The following COG8 variants were observed in gnomAD, a reference collection of about 807,000 sequenced individuals.
The protein encoded by COG8 is conserved oligomeric Golgi complex subunit 8.
A neutral mutation model predicts 46.5 loss-of-function variants in COG8; 45 were observed. The ratio of observed to expected loss-of-function variants is 0.97; its 90% CI spans 0.76 to 1.24. COG8 has a LOEUF of 1.24. Ranked by LOEUF, COG8 falls within the 50% of genes most tolerant of loss-of-function variation. COG8 has a pLI of 0.00. For missense variants in COG8, 793 were observed against 820.8 expected (o/e 0.97, Z 0.41); for synonymous variants, 407 against 347.8 (o/e 1.17, Z -1.90).
chr16:69,330,344 C>G, intron 5 of COG8: 1 of 1,468,896 alleles, frequency 6.8e-7, no homozygotes, highest in Non-Finnish European at 8.9e-7. Flanking sequence ...CGCCACGCCG[C>G]GCAGCACCGG....
At chr16:69,334,481 G>C in intron 3 of COG8, 40 bp downstream of exon 3, 2 of 1,569,956 alleles carry the variant, frequency 1.3e-6, no homozygotes, top group African/African-American at 1.3e-5. Context: ...CATTACCAGA[G>C]AAGGCCCAGG....
In COG8 at chr16:69,339,360, G is replaced by A; in HGVS notation, c.193C>T (p.Pro65Ser). The A allele has an allele frequency of 6.3e-7, 1 of 1,584,972 alleles. No homozygotes were observed. Among genetic ancestry groups the A allele is most frequent in the Non-Finnish European group, 8.5e-7 (1 of 1,170,016 alleles). ...GCCCGCTCCTCCGCCAGGCGCTCGG[G>A]CTCGCGCCGCAGCCGCTCCAGCCCC... is the stretch of plus-strand genomic sequence containing the variant. ...GSGLERLRREPERLAEERAQL... is the reference protein window; with the variant it reads ...GSGLERLRRESERLAEERAQL... Residue 65 changes from proline to serine, a missense_variant, in exon 1 of 6, where the codon CCC becomes TCC. Transcript: ENST00000306875.
At chr16:69,330,163 C>T (rs756710706) in intron 5 of COG8, 28 of 1,530,948 alleles carry the variant, frequency 1.8e-5, no homozygotes, top group Middle Eastern at 1.9e-4. Context: ...GCTGGCGGGG[C>T]GGGCACTCCC....
Position 69,331,101 on chromosome 16 carries a change from C to T in COG8, c.1583-6G>A. 4 of 1,613,736 alleles carry T rather than the reference C, an allele frequency of 2.5e-6. No individual in the cohort carries two copies. Among genetic ancestry groups the T allele is most frequent in the South Asian group, 2.2e-5 (2 of 91,048 alleles). On this transcript the variant is annotated splice_region_variant and splice_polypyrimidine_tract_variant and intron_variant, in intron 4 of 5. Coordinates refer to ENST00000306875, the MANE Select transcript of COG8 (RefSeq NM_032382.5). ...GAGCTGAGTGGGAGGAATGCCTAAC[C>T]CAGACGTGGGGAAAGCAAAATGGAA...
intron 1 of COG8, 67 bp from the exon 2 acceptor site, chr16:69,336,779 A>G (rs1211852460): frequency 1.5e-6 from 2 of 1,332,302 alleles, no homozygotes; most frequent in East Asian, 2.3e-5. Context: ...ACAGTTACCA[A>G]GTACCTGCTA....
chr16:69,334,448 T>C (rs1191678826), intron 3 of COG8, 73 bp downstream of exon 3: 1 of 1,301,140 alleles, frequency 7.7e-7, no homozygotes, highest in East Asian at 2.4e-5. Context: ...AATAGACGGG[T>C]TTATTACAAA....
chr16:69,332,629 A>T, intron 4 of COG8, 85 bp downstream of exon 4: 1 of 1,295,072 alleles, frequency 7.7e-7, no homozygotes, highest in Non-Finnish European at 1.1e-6. Context: ...TTTACTAAAA[A>T]ACACTGACTT....
At chr16:69,334,412 C>CCT in intron 3 of COG8, 109 bp downstream of exon 3, 2 of 995,482 alleles carry the variant, frequency 2.0e-6, no homozygotes, top group Non-Finnish European at 3.1e-6. Flanking sequence ...CCACACTAGA[C>CCT]CTCTCCATGT....
Position 69,339,187 on chromosome 16 carries a change from C to T in COG8, c.366G>A (p.Gln122=), listed in dbSNP as rs1283206337. The change falls in exon 1 of 6, where the codon CAG becomes CAA. Residue 122 remains glutamine, a synonymous_variant. Coordinates refer to ENST00000306875, the MANE Select transcript of COG8 (RefSeq NM_032382.5). The part of the protein sequence containing the change: ...GRLLDRLPSF[Q]QSCRNFVKEA... ...CAGGCGCGTCGCACCTGCAGCTCTGCTGGAAGCTGGGCAAACGGTCGAGCA... is the reference window on the plus strand; with the variant it reads ...CAGGCGCGTCGCACCTGCAGCTCTGTTGGAAGCTGGGCAAACGGTCGAGCA... The T allele has an allele frequency of 6.2e-7, 1 of 1,612,962 alleles. No homozygotes were observed. The highest frequency in any genetic ancestry group is 1.1e-5 in the South Asian group (1 of 91,090).
intron 2 of COG8, 34 bp from the exon 3 acceptor site, chr16:69,335,382 G>A (rs1296750498): frequency 3.9e-6 from 6 of 1,519,156 alleles, no homozygotes; most frequent in Admixed American, 1.9e-5. Flanking sequence ...CACTGCGCTG[G>A]GAAGGATGCT....
intron 1 of COG8, among the ~76,000 whole-genome samples, chr16:69,337,731 G>A (rs1448361701): frequency 6.8e-6 from 1 of 147,544 alleles, no homozygotes; most frequent in Non-Finnish European, 1.5e-5. Context: ...GACTCACAAA[G>A]GACTTTTTTT....
chr16:69,326,555 G>C lies in COG8; in HGVS notation c.*2651C>G, dbSNP rs1274310427. 2 of 152,178 alleles carry C rather than the reference G, an allele frequency of 1.3e-5. No individual in the cohort carries two copies. Among genetic ancestry groups the C allele is most frequent in the Non-Finnish European group, 2.9e-5 (2 of 68,042 alleles). 9.4% of individuals were successfully genotyped at this position (152,178 alleles called of 1,614,324 possible). On this transcript the variant is annotated 3_prime_UTR_variant, in exon 6 of 6. Coordinates refer to ENST00000306875, the MANE Select transcript of COG8 (RefSeq NM_032382.5). ...GTTAACAAAGGTTAGCATGGCTATG[G>C]TCCATCCCTGTGCTCTAGTTAGAGC...
In COG8 at chr16:69,328,958, C is replaced by G. The variant is rs1965688607; in HGVS notation, c.*248G>C. 1 of 1,559,688 alleles carries G rather than the reference C, an allele frequency of 6.4e-7. No individual in the cohort carries two copies. The highest frequency in any genetic ancestry group is 1.4e-5 in the African/African-American group (1 of 72,220). ...CCAAGTTGATGCCAAGTAAGATTTG[C>G]CCAGCTCAAAGTGAAAGTGTTTGCG... On this transcript the variant is annotated 3_prime_UTR_variant, in exon 6 of 6. Coordinates refer to ENST00000306875, the MANE Select transcript of COG8 (RefSeq NM_032382.5).
intron 1 of COG8, 112 bp downstream of exon 1, chr16:69,339,064 G>C: frequency 6.9e-7 from 1 of 1,450,140 alleles, no homozygotes; most frequent in Non-Finnish European, 9.6e-7. Flanking sequence ...TTAATAAAGC[G>C]CTCAGCAGAG....
intron 5 of COG8, chr16:69,330,544 ACT>A (rs1567429479): frequency 2.2e-5 from 32 of 1,475,922 alleles, no homozygotes; most frequent in Non-Finnish European, 2.9e-5. Flanking sequence ...GTGGCCAAAG[ACT>A]CAGCGCGCCC....
intron 4 of COG8, among the ~76,000 whole-genome samples, chr16:69,331,685 T>C (rs2011859464): frequency 6.6e-6 from 1 of 151,808 alleles, no homozygotes; most frequent in South Asian, 2.1e-4. Context: ...GTATTTTTAG[T>C]AGAGACGGAG....
At chr16:69,338,992 CAAA>C in intron 1 of COG8, 181 bp downstream of exon 1, 1 of 851,506 alleles carries the variant, frequency 1.2e-6, no homozygotes. Context: ...GACTCCGTCT[CAAA>C]AAAGATAAAA....
At chr16:69,329,285 A>C in intron 5 of COG8, 106 bp from the exon 6 acceptor site, 1 of 1,221,194 alleles carries the variant, frequency 8.2e-7, no homozygotes. Context: ...GACAAGAGGC[A>C]ACAGCAGATG....
chr16:69,326,766 C>G lies in COG8; in HGVS notation c.*2440G>C, dbSNP rs531927069. ...AATGCTCTGAAATTCACTTCTCTGC[C>G]TGGGGATTCTGTTATAAACCTTCTG... On this transcript the variant is annotated 3_prime_UTR_variant, in exon 6 of 6. Coordinates refer to ENST00000306875, the MANE Select transcript of COG8 (RefSeq NM_032382.5). 6.6e-6 allele frequency: 1 copy of G among 152,190 alleles called. No individual in the cohort carries two copies. Among genetic ancestry groups the G allele is most frequent in the African/African-American group, 2.4e-5 (1 of 41,442 alleles). 9.4% of individuals were successfully genotyped at this position (152,190 alleles called of 1,614,324 possible).
Sources: allele counts gnomAD v4.1 joint callset (sites outside exome capture counted in the v4.1 genomes callset), GRCh38; gene constraint gnomAD v4.1.1; transcripts MANE v1.5; gene names NCBI Gene and HGNC (gene_info 2026-07-23, HGNC 2026-07-21).